Variants in INTS4 observed in about 807,000 individuals in gnomAD.
INTS4 encodes MSTP093.
Under a neutral mutation model 119.5 loss-of-function variants are expected in INTS4, and 70 were observed. The ratio of observed to expected loss-of-function variants is 0.59; its 90% CI spans 0.48 to 0.71. The LOEUF is 0.71. Among genes scored for constraint, INTS4 ranks in the 30% least tolerant of loss-of-function variants. The pLI, the probability that INTS4 is intolerant of heterozygous loss-of-function variation, is 0.00. For missense variants in INTS4, 867 were observed against 1,173.2 expected (o/e 0.74, Z 3.81); for synonymous variants, 316 against 419.6 (o/e 0.75, Z 3.02).
At chr11:77,926,088 A>T (rs1246431005) in intron 11 of INTS4, among the ~76,000 whole-genome samples, 1 of 152,188 alleles carries the variant, frequency 6.6e-6, no homozygotes, top group African/African-American at 2.4e-5. Flanking sequence ...GACAGCAGGG[A>T]TCCTGCCTGT....
In INTS4 at chr11:77,900,909, G is replaced by A. The variant is rs566166229; in HGVS notation, c.2228+512C>T. On this transcript the variant is annotated intron_variant, in intron 18 of 22. Transcript: ENST00000534064. ...TTCTTCATAGAAATGCCATGAGGTA[G>A]ATGCTGTCTTCATTTTCATTTTGTA... is the stretch of plus-strand genomic sequence containing the variant. 7 of 419,004 alleles carry A rather than the reference G, an allele frequency of 1.7e-5. No individual in the cohort carries two copies. The East Asian group carries it at 3.1e-4, about 19-fold the overall frequency. 26.0% of individuals were successfully genotyped at this position (419,004 alleles called of 1,614,324 possible).
intron 4 of INTS4, among the ~76,000 whole-genome samples, chr11:77,969,764 C>CA (rs111328777): frequency 0.13 from 15,424 of 118,358 alleles, 996 homozygotes; most frequent in Non-Finnish European, 0.17. Flanking sequence ...TCCCCTCCTG[C>CA]AAAAAAAAAA....
intron 12 of INTS4, among the ~76,000 whole-genome samples, chr11:77,923,188 C>T (rs1336215162): frequency 9.2e-5 from 14 of 151,838 alleles, no homozygotes; most frequent in Admixed American, 9.2e-4. Flanking sequence ...CATGGTGGCA[C>T]GGGCCTGTAG....
intron 4 of INTS4, among the ~76,000 whole-genome samples, chr11:77,965,775 T>C (rs539420004): frequency 6.6e-6 from 1 of 152,372 alleles, no homozygotes; most frequent in East Asian, 1.9e-4. Flanking sequence ...TGAATACTGC[T>C]GCAATCAACA....
At chr11:77,941,002 A>G (rs1010477165) in intron 9 of INTS4, among the ~76,000 whole-genome samples, 178 bp downstream of exon 9, 5 of 152,204 alleles carry the variant, frequency 3.3e-5, no homozygotes, top group Non-Finnish European at 5.9e-5. Flanking sequence ...ACAATAATAC[A>G]AAATTTAATG....
Position 77,960,352 on chromosome 11 carries a change from T to C in INTS4, c.697A>G (p.Ile233Val), listed in dbSNP as rs374008822. Reference sequence around the variant, plus strand: ...ATCATATAAGGTACCTGATTATAAATTGTTTGGTGTAATTTCAGTCCTCTT... The same window carrying C: ...ATCATATAAGGTACCTGATTATAAACTGTTTGGTGTAATTTCAGTCCTCTT... ...HERGLKLHQT[I>V]YNQACKLLSD... The change falls in exon 6 of 23, where the codon ATT becomes GTT. Residue 233 changes from isoleucine (I) to valine (V), a missense_variant. Physicochemically the swap from Ile to Val is conservative, Grantham distance 29. Around this residue, in one of 5 missense-constraint regions of INTS4, gnomAD observed 208 missense variants for 306.6 expected, o/e 0.68. Coordinates refer to ENST00000534064, the MANE Select transcript of INTS4 (RefSeq NM_033547.4). The C allele has an allele frequency of 4.4e-6, 7 of 1,602,120 alleles. No individual in the cohort carries two copies. Among genetic ancestry groups the C allele is most frequent in the African/African-American group, 2.7e-5 (2 of 74,338 alleles).
chr11:77,927,748 T>C (rs1953543782), intron 11 of INTS4, among the ~76,000 whole-genome samples: 1 of 152,136 alleles, frequency 6.6e-6, no homozygotes, highest in Admixed American at 6.6e-5. Context: ...AAAATCAAAT[T>C]AAAGGTTGAA....
At chr11:77,963,360 A>C in intron 4 of INTS4, 3 of 387,112 alleles carry the variant, frequency 7.7e-6, no homozygotes, top group South Asian at 5.5e-5. Context: ...CTCAAAAAAA[A>C]AAAAAAAAAA....
chr11:77,928,250 T>G, intron 11 of INTS4, 92 bp downstream of exon 11: 3 of 1,311,526 alleles, frequency 2.3e-6, no homozygotes, highest in Non-Finnish European at 3.2e-6. Flanking sequence ...CTCCCTGATA[T>G]AGTGTTCTGT....
chr11:77,901,573 C>T (rs768744878), intron 17 of INTS4, 22 bp from the exon 18 acceptor site: 2 of 1,559,730 alleles, frequency 1.3e-6, no homozygotes, highest in Non-Finnish European at 1.8e-6. Context: ...AGATAATTAA[C>T]AATCAATAAA....
At chr11:77,960,865 T>C in intron 5 of INTS4, 88 bp downstream of exon 5, 1 of 1,191,606 alleles carries the variant, frequency 8.4e-7, no homozygotes, top group Non-Finnish European at 1.2e-6. Context: ...TGCTGAAGAA[T>C]TTACAATGTA....
At chr11:77,933,932 G>C (rs905785123) in intron 10 of INTS4, among the ~76,000 whole-genome samples, 1 of 152,174 alleles carries the variant, frequency 6.6e-6, no homozygotes, top group Non-Finnish European at 1.5e-5. Context: ...GATGACAATG[G>C]CGGTTTTGTG....
At chr11:77,897,966 T>C (rs1017747519) in intron 18 of INTS4, among the ~76,000 whole-genome samples, 9 of 151,980 alleles carry the variant, frequency 5.9e-5, no homozygotes, top group African/African-American at 9.7e-5. Context: ...ACACCACCCA[T>C]GTCCAGCTAA....
intron 22 of INTS4, among the ~76,000 whole-genome samples, chr11:77,879,659 T>C (rs1951717473): frequency 6.6e-6 from 1 of 152,236 alleles, no homozygotes; most frequent in African/African-American, 2.4e-5. Flanking sequence ...AAACATCTCA[T>C]TCTTTCATTA....
At chr11:77,994,555 C>T (rs369766938) in intron 1 of INTS4, 35 bp downstream of exon 1, 65 of 1,513,252 alleles carry the variant, frequency 4.3e-5, no homozygotes, top group Middle Eastern at 3.4e-4. Flanking sequence ...TACCCTGGTC[C>T]GGATCGGTTC....
intron 3 of INTS4, 108 bp from the exon 4 acceptor site, chr11:77,979,210 A>G (rs1565288037): frequency 4.9e-6 from 3 of 612,376 alleles, no homozygotes; most frequent in Non-Finnish European, 9.2e-6. Context: ...GTGACTCACA[A>G]CTGTAATCCC....
At chr11:77,975,348 T>C (rs555771625) in intron 4 of INTS4, among the ~76,000 whole-genome samples, 4 of 152,302 alleles carry the variant, frequency 2.6e-5, no homozygotes, top group Non-Finnish European at 5.9e-5. Flanking sequence ...TACATAGAAG[T>C]ATGTTGTTTA....
chr11:77,923,038 G>A (rs1423679023), intron 12 of INTS4, among the ~76,000 whole-genome samples: 8 of 152,310 alleles, frequency 5.3e-5, no homozygotes, highest in South Asian at 2.1e-4. Flanking sequence ...GAAGAAAGCC[G>A]GCCGGGTGTG....
chr11:77,931,103 T>C (rs1467567996), intron 10 of INTS4, among the ~76,000 whole-genome samples: 1 of 152,192 alleles, frequency 6.6e-6, no homozygotes, highest in Non-Finnish European at 1.5e-5. Context: ...TGTAAGAAAA[T>C]GCATATGAAG....
Sources: gnomAD v4.1 joint callset for allele counts (sites outside exome capture counted in the v4.1 genomes callset) on GRCh38, gnomAD v4.1.1 for gene constraint, gnomAD v4.1.1 regional missense constraint, MANE v1.5 for transcripts, NCBI Gene and HGNC (gene_info 2026-07-23, HGNC 2026-07-21) for gene names.